The following NGEF variants were observed in gnomAD, a reference collection of about 807,000 sequenced individuals.
NGEF encodes ephexin-1.
NGEF carries 31 observed loss-of-function variants against 80.9 expected under a neutral mutation model. That is an observed-to-expected ratio of 0.38 (90% confidence interval 0.29 to 0.52). The LOEUF (loss-of-function observed/expected upper bound fraction) is 0.52, where lower values mean the gene tolerates loss of function less well. Among genes scored for constraint, NGEF ranks in the 20% least tolerant of loss-of-function variants. The pLI is 0.84. For synonymous variants in NGEF, 371 were observed against 370.2 expected (o/e 1.00, Z -0.03); for missense variants, 709 against 926.2 (o/e 0.77, Z 3.04).
chr2:233,000,170 A>C (rs1246345688), intron 1 of NGEF, among the ~76,000 whole-genome samples: 1 of 152,036 alleles, frequency 6.6e-6, no homozygotes, highest in Non-Finnish European at 1.5e-5. Flanking sequence ...ATCATAGCTC[A>C]CTGCAACCTC....
At chr2:232,953,509 T>A (rs116680013) in intron 3 of NGEF, among the ~76,000 whole-genome samples, 1,548 of 113,968 alleles carry the variant, frequency 0.014, 25 homozygotes, top group African/African-American at 0.039. Flanking sequence ...TTTTTTTTTT[T>A]AAAAAAAAAA....
chr2:232,995,751 GTATATGTAT>G (rs1694827900), intron 1 of NGEF, among the ~76,000 whole-genome samples: 1 of 143,878 alleles, frequency 7.0e-6, no homozygotes, highest in Non-Finnish European at 1.5e-5. Context: ...TGCACAATAT[GTATATGTAT>G]TATATGTATT....
At chr2:232,885,667 A>ACGGAC (rs1207348719) in intron 9 of NGEF, 1 of 366,488 alleles carries the variant, frequency 2.7e-6, no homozygotes, top group East Asian at 6.2e-5. Context: ...TGTAGGCTGG[A>ACGGAC]CGGACCGGCA....
Position 232,881,198 on chromosome 2 carries a change from C to A in NGEF, c.1890G>T (p.Glu630Asp). The change falls in exon 14 of 15, where the codon GAG becomes GAT. Residue 630 changes from glutamate (E) to aspartate (D), a missense_variant. Coordinates refer to ENST00000264051, the MANE Select transcript of NGEF (RefSeq NM_019850.3). The stretch of plus-strand genomic sequence containing the variant: ...GGATGTCGGCGAGCTCCAGCGTCAG[C>A]TCGTCTGGCTGCTGAGCCACGTATG... Reference protein sequence around the residue: ...VHPYVAQQPDELTLELADILN... With the variant: ...VHPYVAQQPDDLTLELADILN... 6.2e-7 allele frequency: 1 copy of A among 1,611,672 alleles called. No individual in the cohort carries two copies.
intron 5 of NGEF, among the ~76,000 whole-genome samples, chr2:232,902,996 C>CAAAACA (rs1419209794): frequency 8.8e-6 from 1 of 114,184 alleles, no homozygotes; most frequent in African/African-American, 3.2e-5. Context: ...TGTCTTAAAA[C>CAAAACA]AAAACAAAAA....
rs139906963 is a variant in NGEF at position 232,981,337 on chromosome 2, C to T, written c.-74-6373G>A. 7.2e-3 allele frequency among the ~76,000 whole-genome samples: 1,087 copies of T among 151,614 alleles called. 10 individuals are homozygous for T. Among genetic ancestry groups the T allele is most frequent in the Admixed American group, 0.011 (171 of 15,224 alleles). The stretch of plus-strand genomic sequence containing the variant: ...AACAAAATTGCTAATAGCCCTTTCC[C>T]GAAAAGACCCCTTTCTTGCCTGGGG... On this transcript the variant is annotated intron_variant, in intron 1 of 14. Coordinates refer to ENST00000264051, the MANE Select transcript of NGEF (RefSeq NM_019850.3).
At chr2:232,986,787 G>A (rs1694540760) in intron 1 of NGEF, among the ~76,000 whole-genome samples, 1 of 152,182 alleles carries the variant, frequency 6.6e-6, no homozygotes, top group Non-Finnish European at 1.5e-5. Flanking sequence ...CTAACATATA[G>A]CACAGGTGGT....
intron 14 of NGEF, among the ~76,000 whole-genome samples, chr2:232,880,016 A>G (rs1489059138): frequency 6.6e-6 from 1 of 152,196 alleles, no homozygotes. Flanking sequence ...AGCTGGAGGC[A>G]TTCAAGGGGC....
chr2:232,902,538 G>A lies in NGEF; in HGVS notation c.829-7622C>T, dbSNP rs115838229. ...CGCTGGGGGCCCAAACCCAAGCCTC[G>A]GCACTCACACACATCACAAATGCCA... On this transcript the variant is annotated intron_variant, in intron 5 of 14. Coordinates refer to ENST00000264051, the MANE Select transcript of NGEF (RefSeq NM_019850.3). 8.3e-3 allele frequency among the ~76,000 whole-genome samples: 1,267 copies of A among 152,226 alleles called. 20 individuals carry two copies. The highest frequency in any genetic ancestry group is 0.029 in the African/African-American group (1,196 of 41,516).
Position 232,883,075 on chromosome 2 carries a change from ACACACACG to A in NGEF, c.1757+228_1757+235del, listed in dbSNP as rs1366186383. Among the ~76,000 whole-genome samples, 694 of 139,300 alleles carry A rather than the reference ACACACACG, an allele frequency of 5.0e-3. 6 individuals carry two copies. The highest frequency in any genetic ancestry group is 0.015 in the Middle Eastern group (4 of 270). The allele number at this position is 139,300 out of a possible 152,430, so 91.4% of individuals were successfully genotyped here. ...GGAACACACACACACACACACACAC[ACACACACG>A]CACACACGCACACACGTACACGCGT... On this transcript the variant is annotated intron_variant, in intron 12 of 14. Coordinates refer to ENST00000264051, the MANE Select transcript of NGEF (RefSeq NM_019850.3).
chr2:232,910,926 T>G (rs1692679462), intron 5 of NGEF, among the ~76,000 whole-genome samples: 1 of 152,202 alleles, frequency 6.6e-6, no homozygotes, highest in Admixed American at 6.5e-5. Context: ...TTGCAAATAT[T>G]TCCTCCCCAT....
chr2:232,959,604 A>G (rs1693903590), intron 3 of NGEF, among the ~76,000 whole-genome samples: 1 of 145,982 alleles, frequency 6.9e-6, no homozygotes, highest in African/African-American at 2.6e-5. Flanking sequence ...TTTAAGACAG[A>G]GCTTCACTCT....
At chr2:232,994,352 G>A (rs1459179187) in intron 1 of NGEF, among the ~76,000 whole-genome samples, 4 of 138,904 alleles carry the variant, frequency 2.9e-5, no homozygotes, top group Admixed American at 1.5e-4. Flanking sequence ...CCTGGGTAAC[G>A]GAGCGAGACT....
intron 3 of NGEF, among the ~76,000 whole-genome samples, chr2:232,961,201 G>C (rs555453731): frequency 1.0e-3 from 152 of 152,200 alleles, no homozygotes; most frequent in African/African-American, 3.3e-3. Flanking sequence ...GCTTCTGAAG[G>C]CTCTAAATCA....
chr2:232,888,282 C>A (rs1265578019), intron 8 of NGEF, among the ~76,000 whole-genome samples, 175 bp from the exon 9 acceptor site: 1 of 151,440 alleles, frequency 6.6e-6, no homozygotes, highest in Non-Finnish European at 1.5e-5. Flanking sequence ...GCATACAGAC[C>A]TGCGTGTGCA....
intron 3 of NGEF, among the ~76,000 whole-genome samples, chr2:232,935,365 C>T (rs1243450502): frequency 6.6e-6 from 1 of 152,210 alleles, no homozygotes; most frequent in African/African-American, 2.4e-5. Context: ...CGCCTGTTAT[C>T]CCAGCATTTT....
At chr2:233,003,712 G>A (rs753087273) in intron 1 of NGEF, among the ~76,000 whole-genome samples, 11 of 152,050 alleles carry the variant, frequency 7.2e-5, no homozygotes, top group Non-Finnish European at 1.5e-4. Context: ...AAACAAAGAC[G>A]CAAAGGCCCA....
At chr2:232,933,831 C>G (rs1450053637) in intron 3 of NGEF, among the ~76,000 whole-genome samples, 3 of 152,224 alleles carry the variant, frequency 2.0e-5, no homozygotes, top group Non-Finnish European at 4.4e-5. Flanking sequence ...GCTGTCTAGC[C>G]TGCAGTTGCT....
At chr2:232,937,388 G>A (rs1175945642) in intron 3 of NGEF, among the ~76,000 whole-genome samples, 1 of 152,122 alleles carries the variant, frequency 6.6e-6, no homozygotes, top group Non-Finnish European at 1.5e-5. Context: ...CCTCACACAT[G>A]TCTGACCCCA....
Sources: allele counts gnomAD v4.1 joint callset (sites outside exome capture counted in the v4.1 genomes callset), GRCh38; gene constraint gnomAD v4.1.1; transcripts MANE v1.5; gene names NCBI Gene and HGNC (gene_info 2026-07-23, HGNC 2026-07-21).